The following DISC1 variants were observed in gnomAD, a reference collection of about 807,000 sequenced individuals.
DISC1 encodes the protein DISC1 scaffold protein, also known as disrupted in schizophrenia 1 protein.
DISC1 carries 57 observed loss-of-function variants against 84.5 expected under a neutral mutation model. The ratio of observed to expected loss-of-function variants is 0.67; its 90% CI spans 0.55 to 0.84. The LOEUF (loss-of-function observed/expected upper bound fraction) is 0.84, where lower values mean the gene tolerates loss of function less well. DISC1 is among the 40% of genes least tolerant of loss of function. The pLI, the probability that DISC1 is intolerant of heterozygous loss-of-function variation, is 0.00. For missense variants in DISC1, 1,000 were observed against 1,057.8 expected (o/e 0.95, Z 0.76); for synonymous variants, 411 against 415.2 (o/e 0.99, Z 0.12).
chr1:231,827,976 C>G (rs558967061), intron 9 of DISC1, among the ~76,000 whole-genome samples: 2 of 152,164 alleles, frequency 1.3e-5, no homozygotes, highest in South Asian at 4.2e-4. Flanking sequence ...TTTTATTTTT[C>G]TTTTGACATT....
intron 10 of DISC1, among the ~76,000 whole-genome samples, chr1:231,983,955 A>ATC (rs1040751251): frequency 6.6e-6 from 1 of 152,156 alleles, no homozygotes; most frequent in African/African-American, 2.4e-5. Context: ...AGATAATTTT[A>ATC]TTATTCCCAC....
chr1:231,770,508 C>T (rs186572004), intron 5 of DISC1, among the ~76,000 whole-genome samples: 8 of 152,252 alleles, frequency 5.3e-5, no homozygotes, highest in Admixed American at 3.3e-4. Context: ...CATGAGGCTC[C>T]CTGCCCTGTG....
chr1:231,987,415 T>C (rs922075044), intron 10 of DISC1, among the ~76,000 whole-genome samples: 2 of 152,250 alleles, frequency 1.3e-5, no homozygotes, highest in Non-Finnish European at 2.9e-5. Flanking sequence ...CCGATGGAAC[T>C]TGCTGCCAGC....
intron 11 of DISC1, among the ~76,000 whole-genome samples, chr1:232,013,486 C>A (rs1668209662): frequency 6.6e-6 from 1 of 150,804 alleles, no homozygotes; most frequent in Admixed American, 6.6e-5. Flanking sequence ...TCATTAAGGG[C>A]TAACACTCCT....
chr1:231,761,123 G>T (rs180999714), intron 4 of DISC1, among the ~76,000 whole-genome samples: 2 of 152,052 alleles, frequency 1.3e-5, no homozygotes, highest in Non-Finnish European at 2.9e-5. Flanking sequence ...GATTTTTCCC[G>T]TACTGGGGTG....
intron 1 of DISC1, among the ~76,000 whole-genome samples, chr1:231,674,887 T>C (rs1221351338): frequency 6.6e-6 from 1 of 152,212 alleles, no homozygotes. Flanking sequence ...GGATGTCCCT[T>C]TGTTTTCACC....
intron 1 of DISC1, among the ~76,000 whole-genome samples, chr1:231,691,346 A>C (rs995039458): frequency 1.1e-4 from 17 of 151,966 alleles, no homozygotes; most frequent in South Asian, 4.2e-4. Flanking sequence ...CAGGAGAATC[A>C]CTTGAACCTG....
chr1:231,775,374 C>T (rs183249517), intron 6 of DISC1, among the ~76,000 whole-genome samples: 1 of 152,256 alleles, frequency 6.6e-6, no homozygotes, highest in East Asian at 1.9e-4. Context: ...TGTTGGGAAC[C>T]CCCTGGCCAA....
At chr1:231,886,811 C>CTTTCTTTCTT (rs2086779275) in intron 9 of DISC1, among the ~76,000 whole-genome samples, 1 of 139,654 alleles carries the variant, frequency 7.2e-6, no homozygotes, top group Non-Finnish European at 1.5e-5. Flanking sequence ...TTCTTTCTTT[C>CTTTCTTTCTT]TTTCTTTCTT....
intron 11 of DISC1, among the ~76,000 whole-genome samples, chr1:232,021,333 TAC>T (rs36231584): frequency 0.11 from 15,613 of 147,992 alleles, 787 homozygotes; most frequent in African/African-American, 0.15. Flanking sequence ...ACTTGTTCTA[TAC>T]ACACACACAC....
intron 11 of DISC1, among the ~76,000 whole-genome samples, chr1:232,013,977 G>A (rs944568288): frequency 9.4e-5 from 14 of 148,512 alleles, no homozygotes; most frequent in African/African-American, 3.5e-4. Flanking sequence ...TTGCTTCTGA[G>A]GCCTTCCAAT....
At chr1:231,725,917 G>T (rs977411750) in intron 3 of DISC1, among the ~76,000 whole-genome samples, 17 of 152,104 alleles carry the variant, frequency 1.1e-4, no homozygotes, top group African/African-American at 3.6e-4. Context: ...CACTGAAATG[G>T]TGTAGCCTAG....
At chr1:231,845,829 G>T (rs575326344) in intron 9 of DISC1, among the ~76,000 whole-genome samples, 21 of 152,274 alleles carry the variant, frequency 1.4e-4, no homozygotes, top group Admixed American at 1.3e-3. Flanking sequence ...TGGCAAGGTG[G>T]CTGGGAGCTT....
chr1:231,695,394 C>T (rs533044291), intron 2 of DISC1, among the ~76,000 whole-genome samples: 1 of 152,324 alleles, frequency 6.6e-6, no homozygotes, highest in South Asian at 2.1e-4. Flanking sequence ...GAAATAAGTA[C>T]AAACTGGAGA....
chr1:231,814,510 A>C (rs1483566698), intron 8 of DISC1, among the ~76,000 whole-genome samples: 1 of 152,202 alleles, frequency 6.6e-6, no homozygotes, highest in Non-Finnish European at 1.5e-5. Flanking sequence ...AAATTGGTTA[A>C]GGTTTTCCTT....
chr1:231,707,140 G>A (rs944470032), intron 3 of DISC1, among the ~76,000 whole-genome samples: 7 of 152,202 alleles, frequency 4.6e-5, no homozygotes, highest in Admixed American at 3.9e-4. Context: ...TCAATGGGAT[G>A]TGGATGCCAT....
At chr1:231,694,859 A>C in intron 2 of DISC1, 54 bp downstream of exon 2, 1 of 1,594,924 alleles carries the variant, frequency 6.3e-7, no homozygotes, top group Non-Finnish European at 8.5e-7. Flanking sequence ...TCAGATTAGC[A>C]CTGGGCAGAC....
At chr1:231,728,282 G>C (rs1487910738) in intron 3 of DISC1, among the ~76,000 whole-genome samples, 1 of 152,180 alleles carries the variant, frequency 6.6e-6, no homozygotes, top group Non-Finnish European at 1.5e-5. Context: ...TGTCTAAAGA[G>C]AATGTCTCTT....
At chr1:231,650,189 A>G (rs2060495704) in intron 1 of DISC1, among the ~76,000 whole-genome samples, 3 of 152,178 alleles carry the variant, frequency 2.0e-5, no homozygotes, top group Non-Finnish European at 2.9e-5. Flanking sequence ...ATGTTTTTGC[A>G]GTGGCTGGTA....
Sources: allele counts gnomAD v4.1 joint callset (sites outside exome capture counted in the v4.1 genomes callset), GRCh38; gene constraint gnomAD v4.1.1; transcripts MANE v1.5; gene names NCBI Gene and HGNC (gene_info 2026-07-23, HGNC 2026-07-21).